The following VIPR1 variants were observed in gnomAD, a reference collection of about 807,000 sequenced individuals.
The protein encoded by VIPR1 is vasoactive intestinal polypeptide receptor 1.
In VIPR1, 59 loss-of-function variants were observed where a neutral mutation model predicts 58.8. The ratio of observed to expected loss-of-function variants is 1.00; its 90% CI spans 0.81 to 1.25. VIPR1 has a LOEUF of 1.25. VIPR1 is among the 50% of genes most tolerant of loss of function. The probability of loss-of-function intolerance (pLI) is 0.00; values close to 1 mark genes in which losing one functional copy is unlikely to be tolerated. For missense variants in VIPR1, 626 were observed against 602.7 expected, an observed-to-expected ratio of 1.04 and a Z score of -0.40; for synonymous variants, 251 against 242.1, an observed-to-expected ratio of 1.04 and a Z score of -0.34.
intron 1 of VIPR1, among the ~76,000 whole-genome samples, chr3:42,490,717 G>GTAAA (rs1699651165): frequency 3.3e-5 from 5 of 152,070 alleles, no homozygotes; most frequent in Non-Finnish European, 7.4e-5. Context: ...AAGAGGTTTA[G>GTAAA]GAGTTGGGGG....
chr3:42,521,610 T>C (rs180996136), intron 3 of VIPR1: 4 of 152,204 alleles, frequency 2.6e-5, no homozygotes, highest in Non-Finnish European at 5.9e-5. Flanking sequence ...ATAAACCTTA[T>C]AGAAGATAAA....
chr3:42,523,746 G>A (rs981980705), intron 3 of VIPR1, among the ~76,000 whole-genome samples: 8 of 152,104 alleles, frequency 5.3e-5, no homozygotes, highest in Non-Finnish European at 7.4e-5. Context: ...CTCAAGCCCC[G>A]GTCCCTCTGG....
upstream of VIPR1, among the ~76,000 whole-genome samples, chr3:42,497,710 G>A (rs538156836): frequency 3.9e-5 from 6 of 152,196 alleles, no homozygotes; most frequent in Non-Finnish European, 7.3e-5. Context: ...TACCGTTCTT[G>A]TGGTAGTGAA....
chr3:42,518,848 A>G (rs1700763779), intron 2 of VIPR1, among the ~76,000 whole-genome samples: 1 of 152,252 alleles, frequency 6.6e-6, no homozygotes, highest in South Asian at 2.1e-4. Context: ...TCTGGAAGCC[A>G]TGCAGAATGT....
upstream of VIPR1, chr3:42,500,349 T>G (rs1267703161): frequency 6.6e-6 from 1 of 151,498 alleles, no homozygotes; most frequent in Admixed American, 6.6e-5. Flanking sequence ...CATTCACTGG[T>G]GGGTCACATG....
In VIPR1 at chr3:42,518,693, C is replaced by G. The variant is rs1700754976; in HGVS notation, c.185-530C>G. On this transcript the variant is annotated intron_variant, in intron 2 of 12. Coordinates refer to ENST00000325123, the MANE Select transcript of VIPR1 (RefSeq NM_004624.4). ...GGCAGAGGTTGCCAAGGTTGCACCA[C>G]TGCACTCTAGCCTGGGTGACAGAGT... 2.0e-5 allele frequency among the ~76,000 whole-genome samples: 3 copies of G among 152,348 alleles called. No individual in the cohort carries two copies. In the South Asian group the frequency reaches 6.2e-4, roughly 32 times the overall value.
Position 42,536,435 on chromosome 3 carries a change from T to G in VIPR1, c.*154T>G. 2 of 754,884 alleles carry G rather than the reference T, an allele frequency of 2.6e-6. No homozygotes were observed. Among genetic ancestry groups the G allele is most frequent in the Non-Finnish European group, 4.0e-6 (2 of 498,704 alleles). 46.8% of individuals were successfully genotyped at this position (754,884 alleles called of 1,614,324 possible). A position where few individuals can be genotyped will look rare whatever the true frequency, so the allele number is the denominator to read the frequency against. On this transcript the variant is annotated 3_prime_UTR_variant, in exon 13 of 13. Coordinates refer to ENST00000325123, the MANE Select transcript of VIPR1 (RefSeq NM_004624.4). ...CCCTGGTCTCTGGTCCGGACACTCC[T>G]AGAGAACGCAGCCCTAGAGCCTGCC...
chr3:42,532,349 G>T lies in VIPR1; in HGVS notation c.1010+16G>T. On this transcript the variant is annotated intron_variant, in intron 10 of 12. Transcript: ENST00000325123. ...GTCCATACTCGTGAGTGTGGGCCTA[G>T]TGCCTCAGCCCCCAGTACCTCCATC... is the stretch of plus-strand genomic sequence containing the variant. 3.7e-6 allele frequency: 6 copies of T among 1,612,144 alleles called. No homozygotes were observed. The highest frequency in any genetic ancestry group is 5.1e-6 in the Non-Finnish European group (6 of 1,178,206).
In VIPR1 at chr3:42,505,751, C is replaced by T. The variant is rs569250936; in HGVS notation, c.78+2938C>T. On this transcript the variant is annotated intron_variant, in intron 1 of 12. Coordinates refer to ENST00000325123, the MANE Select transcript of VIPR1 (RefSeq NM_004624.4). Reference sequence around the variant, plus strand: ...CAGGAGAGCTGGTCCTCACTCCACTCCATGGCAATGGCTTGACCTTGGGAA... The same window carrying T: ...CAGGAGAGCTGGTCCTCACTCCACTTCATGGCAATGGCTTGACCTTGGGAA... 2.0e-5 allele frequency among the ~76,000 whole-genome samples: 3 copies of T among 152,352 alleles called. No individual in the cohort carries two copies. The East Asian group carries it at 5.8e-4, about 29-fold the overall frequency.
rs1701909786 is a variant in VIPR1 at position 42,537,292 on chromosome 3, C to T, written c.*1011C>T. 1 of 152,256 alleles carries T rather than the reference C, an allele frequency of 6.6e-6. No homozygotes were observed. 9.4% of individuals were successfully genotyped at this position (152,256 alleles called of 1,614,324 possible). ...TGAAAGCACGGACTCTTACTGCTAA[C>T]TTTTGTGTATCGTAACCAGCCAGAT... On this transcript the variant is annotated 3_prime_UTR_variant, in exon 13 of 13. Coordinates refer to ENST00000325123, the MANE Select transcript of VIPR1 (RefSeq NM_004624.4).
At chr3:42,530,968 G>A in intron 7 of VIPR1, 36 bp downstream of exon 7, 1 of 1,610,784 alleles carries the variant, frequency 6.2e-7, no homozygotes, top group African/African-American at 1.3e-5. Flanking sequence ...GCTGGGGACA[G>A]AGGGGGCAAG....
upstream of VIPR1, chr3:42,502,566 C>T (rs1021898639): frequency 5.0e-5 from 22 of 441,588 alleles, no homozygotes; most frequent in Non-Finnish European, 7.2e-5. Context: ...AGATCCGCCG[C>T]CCGTCAGACG....
chr3:42,507,565 A>G (rs535634131), intron 1 of VIPR1, among the ~76,000 whole-genome samples: 3 of 152,350 alleles, frequency 2.0e-5, no homozygotes, highest in African/African-American at 7.2e-5. Context: ...TCCAACACCA[A>G]CGTCACCCAC....
At chr3:42,503,132 G>A (rs77466630) in intron 1 of VIPR1, among the ~76,000 whole-genome samples, 8,893 of 152,216 alleles carry the variant, frequency 0.058, 862 homozygotes, top group African/African-American at 0.2. Context: ...GGGGCGGCCA[G>A]TGGGTGCAGA....
chr3:42,513,062 G>A, intron 1 of VIPR1: 1 of 767,950 alleles, frequency 1.3e-6, no homozygotes, highest in Non-Finnish European at 1.6e-6. Context: ...CCTTCCAGAA[G>A]CAGGGGAGGC....
In VIPR1 at chr3:42,532,254, C is replaced by G. The variant is rs1176065463; in HGVS notation, c.931C>G (p.Leu311Val). ...ILTSILVNFI[L>V]FICIIRILLQ... Reference sequence around the variant, plus strand: ...CCCCACCCACTAGGTAAACTTCATCCTGTTTATTTGCATCATCCGAATCCT... The same window carrying G: ...CCCCACCCACTAGGTAAACTTCATCGTGTTTATTTGCATCATCCGAATCCT... The change falls in exon 10 of 13, where the codon CTG becomes GTG. Residue 311 changes from leucine to valine, a missense_variant. By Grantham distance (32) the Leu-to-Val change is conservative. Coordinates refer to ENST00000325123, the MANE Select transcript of VIPR1 (RefSeq NM_004624.4). 6.2e-7 allele frequency: 1 copy of G among 1,614,058 alleles called. No individual in the cohort carries two copies. The highest frequency in any genetic ancestry group is 8.5e-7 in the Non-Finnish European group (1 of 1,180,040).
intron 10 of VIPR1, chr3:42,532,824 C>G (rs1158005660): frequency 5.7e-6 from 1 of 175,968 alleles, no homozygotes; most frequent in Admixed American, 5.4e-5. Context: ...TAAGGGATTT[C>G]CATGCATCAT....
chr3:42,512,772 T>C (rs910394567), intron 1 of VIPR1: 2 of 985,380 alleles, frequency 2.0e-6, no homozygotes, highest in African/African-American at 1.7e-5. Context: ...GAAACTGGTG[T>C]GGGGTTGCCG....
chr3:42,525,960 T>TGGTTTGGATGACAAGGCAGCG lies in VIPR1; in HGVS notation c.367_387dup (p.Gly123_Ala129dup), dbSNP rs1161194998. On this transcript the variant is annotated inframe_insertion, in exon 4 of 13. Transcript: ENST00000325123. ...AGCCTGGCCCGTACCCCATTGCCTG[T>TGGTTTGGATGACAAGGCAGCG]GGTTTGGATGACAAGGCAGCGAGTT... 21 of 1,613,378 alleles carry TGGTTTGGATGACAAGGCAGCG rather than the reference T, an allele frequency of 1.3e-5. No individual in the cohort carries two copies. Among genetic ancestry groups the TGGTTTGGATGACAAGGCAGCG allele is most frequent in the Non-Finnish European group, 1.7e-5 (20 of 1,179,800 alleles).
Sources: allele counts gnomAD v4.1 joint callset (sites outside exome capture counted in the v4.1 genomes callset), GRCh38; gene constraint gnomAD v4.1.1; transcripts MANE v1.5; gene names NCBI Gene and HGNC (gene_info 2026-07-23, HGNC 2026-07-21).